Variants in STPG2 observed in about 807,000 individuals in gnomAD.
STPG2 encodes sperm tail PG-rich repeat containing 2, also known as sperm-tail PG-rich repeat-containing protein 2.
In STPG2, 56 loss-of-function variants were observed where a neutral mutation model predicts 54.2. The observed-to-expected ratio is 1.03, with a 90% CI of 0.83 to 1.29. STPG2 has a LOEUF of 1.29. Ranked by LOEUF, STPG2 falls within the 50% of genes most tolerant of loss-of-function variation. The pLI is 0.00. For missense variants in STPG2, 596 were observed against 544.9 expected, an observed-to-expected ratio of 1.09 and a Z score of -0.93; for synonymous variants, 200 against 181.8, an observed-to-expected ratio of 1.10 and a Z score of -0.81.
intron 9 of STPG2, among the ~76,000 whole-genome samples, chr4:97,800,976 C>T (rs1727376266): frequency 6.6e-6 from 1 of 152,184 alleles, no homozygotes; most frequent in African/African-American, 2.4e-5. Context: ...TGGGACCCTC[C>T]TAGCCAGGTG....
At chr4:97,587,877 C>G (rs1733039714) in intron 10 of STPG2, among the ~76,000 whole-genome samples, 1 of 151,942 alleles carries the variant, frequency 6.6e-6, no homozygotes, top group Non-Finnish European at 1.5e-5. Context: ...TAGCTGTGGG[C>G]ATCAGTGTAT....
intron 10 of STPG2, among the ~76,000 whole-genome samples, chr4:97,618,996 T>C (rs1733938988): frequency 6.6e-6 from 1 of 152,200 alleles, no homozygotes; most frequent in Non-Finnish European, 1.5e-5. Context: ...AAAAGTGACA[T>C]ATAATTTGGC....
At chr4:97,938,275 A>G (rs750932477) in intron 8 of STPG2, among the ~76,000 whole-genome samples, 7 of 152,212 alleles carry the variant, frequency 4.6e-5, no homozygotes, top group Non-Finnish European at 1.0e-4. Context: ...AGCTATAGCG[A>G]TGGCTGCTGC....
chr4:97,652,958 T>C (rs75582716), intron 10 of STPG2, among the ~76,000 whole-genome samples: 2,635 of 152,114 alleles, frequency 0.017, 66 homozygotes, highest in African/African-American at 0.059. Flanking sequence ...CAGTGATTCC[T>C]CATATACCTT....
intron 9 of STPG2, among the ~76,000 whole-genome samples, chr4:97,720,399 A>G (rs1724412056): frequency 6.6e-6 from 1 of 152,030 alleles, no homozygotes; most frequent in Non-Finnish European, 1.5e-5. Context: ...CAGGAAACAG[A>G]GTTAAATAGC....
chr4:97,802,766 C>T (rs896737605), intron 9 of STPG2, among the ~76,000 whole-genome samples: 16 of 152,012 alleles, frequency 1.1e-4, no homozygotes, highest in Non-Finnish European at 1.5e-4. Context: ...CCACCGCGCC[C>T]GGCCCTATCA....
At chr4:97,701,350 G>C (rs1723769027) in intron 10 of STPG2, among the ~76,000 whole-genome samples, 1 of 152,086 alleles carries the variant, frequency 6.6e-6, no homozygotes, top group South Asian at 2.1e-4. Flanking sequence ...ACCTCCATAA[G>C]CCTCTACTTT....
intron 10 of STPG2, among the ~76,000 whole-genome samples, chr4:97,701,652 A>T (rs1429186056): frequency 6.6e-6 from 1 of 152,172 alleles, no homozygotes; most frequent in African/African-American, 2.4e-5. Flanking sequence ...TATAATTCAA[A>T]TTAGTCTTTT....
chr4:98,073,878 G>C (rs1235047455), intron 5 of STPG2, among the ~76,000 whole-genome samples: 1 of 152,092 alleles, frequency 6.6e-6, no homozygotes, highest in Non-Finnish European at 1.5e-5. Context: ...ATATATCACT[G>C]CTTATAAGAG....
Position 97,757,685 on chromosome 4 carries a change from C to T in STPG2, c.1205-44871G>A, listed in dbSNP as rs570788130. Among the ~76,000 whole-genome samples, 4 of 152,202 alleles carry T rather than the reference C, an allele frequency of 2.6e-5. No homozygotes were observed. In the East Asian group the frequency reaches 7.7e-4, roughly 29 times the overall value. ...CACTAGCTCAAAAATATCAAGTTTC[C>T]AAACAAATATATTCATGCATTATTA... is the stretch of plus-strand genomic sequence containing the variant. On this transcript the variant is annotated intron_variant, in intron 9 of 10. Coordinates refer to ENST00000295268, the MANE Select transcript of STPG2 (RefSeq NM_174952.3).
At chr4:97,790,536 T>C (rs1294462915) in intron 9 of STPG2, among the ~76,000 whole-genome samples, 1 of 152,138 alleles carries the variant, frequency 6.6e-6, no homozygotes, top group African/African-American at 2.4e-5. Flanking sequence ...TTGAGTTCCA[T>C]GAAGACATAG....
At chr4:98,113,599 T>G (rs2110148413) in intron 3 of STPG2, among the ~76,000 whole-genome samples, 1 of 152,170 alleles carries the variant, frequency 6.6e-6, no homozygotes, top group Middle Eastern at 3.4e-3. Context: ...CCTTCTTCAC[T>G]ATGGACATTC....
chr4:97,752,501 G>T (rs1725608295), intron 9 of STPG2, among the ~76,000 whole-genome samples: 2 of 151,604 alleles, frequency 1.3e-5, no homozygotes, highest in South Asian at 2.1e-4. Flanking sequence ...TCATATAACT[G>T]TCCTCAAATA....
chr4:97,839,171 T>C (rs1728720514), intron 9 of STPG2, among the ~76,000 whole-genome samples: 1 of 151,628 alleles, frequency 6.6e-6, no homozygotes, highest in Non-Finnish European at 1.5e-5. Flanking sequence ...TAAGATCTTA[T>C]ACTTCAAAGG....
chr4:97,828,649 A>C (rs1189931477), intron 9 of STPG2, among the ~76,000 whole-genome samples: 1 of 152,038 alleles, frequency 6.6e-6, no homozygotes, highest in African/African-American at 2.4e-5. Flanking sequence ...ACTAGCCTGA[A>C]ATTTTTGCTG....
intron 10 of STPG2, among the ~76,000 whole-genome samples, chr4:97,702,697 C>CA (rs887120571): frequency 1.3e-5 from 2 of 151,980 alleles, no homozygotes; most frequent in African/African-American, 4.8e-5. Context: ...TTTGTTCTGG[C>CA]AAAAAAGCTT....
chr4:97,562,828 G>C (rs567072202), intron 10 of STPG2, among the ~76,000 whole-genome samples: 3 of 152,106 alleles, frequency 2.0e-5, no homozygotes, highest in Non-Finnish European at 4.4e-5. Flanking sequence ...GTGATGTGCT[G>C]TGGGATTCGG....
At chr4:97,677,028 T>C (rs563498289) in intron 10 of STPG2, among the ~76,000 whole-genome samples, 83 of 152,318 alleles carry the variant, frequency 5.4e-4, no homozygotes, top group African/African-American at 1.6e-3. Context: ...AACAAATTTA[T>C]AGTAGTAGTT....
intron 3 of STPG2, among the ~76,000 whole-genome samples, chr4:98,116,341 T>C (rs1282796073): frequency 6.6e-6 from 1 of 151,938 alleles, no homozygotes; most frequent in African/African-American, 2.4e-5. Context: ...CAAGAATCTA[T>C]GACTAATTGT....
Sources: gnomAD v4.1 joint callset for allele counts (sites outside exome capture counted in the v4.1 genomes callset) on GRCh38, gnomAD v4.1.1 for gene constraint, MANE v1.5 for transcripts, NCBI Gene and HGNC (gene_info 2026-07-23, HGNC 2026-07-21) for gene names.